PRELID2: variants seen among roughly 807,000 people sequenced by gnomAD.
PRELID2 encodes PRELI domain-containing protein 2.
Under a neutral mutation model 28.4 loss-of-function variants are expected in PRELID2, and 25 were observed. The observed-to-expected ratio is 0.88, with a 90% CI of 0.64 to 1.23. PRELID2 has a LOEUF of 1.23. Ranked by LOEUF, PRELID2 falls within the 50% of genes most tolerant of loss-of-function variation. The pLI is 0.00. For missense variants in PRELID2, 201 were observed against 214.4 expected (o/e 0.94, Z 0.39); for synonymous variants, 76 against 71.6 (o/e 1.06, Z -0.31).
the PRELID2 span, among the ~76,000 whole-genome samples, chr5:145,375,106 C>A: frequency 1.4e-4 from 22 of 152,154 alleles, no homozygotes; most frequent in East Asian, 4.2e-3. Context: ...TTCTTTCTCA[C>A]CTTTGTGAGT....
At chr5:145,810,207 T>A (rs1490698001) in intron 4 of PRELID2, among the ~76,000 whole-genome samples, 1 of 152,240 alleles carries the variant, frequency 6.6e-6, no homozygotes, top group Non-Finnish European at 1.5e-5. Flanking sequence ...CTGACTTTAA[T>A]TTTTTCCTCT....
intron 1 of PRELID2, among the ~76,000 whole-genome samples, chr5:145,831,752 ATTTCCCAGTTCTGACATCCCCAGTTCTG>A (rs1376723271): frequency 2.2e-4 from 34 of 152,172 alleles, no homozygotes; most frequent in African/African-American, 7.5e-4. Flanking sequence ...TCTGCCTTCC[ATTTCCCAGTTCTGACATCCCCAGTTCTG>A]TTTCCCAGTT....
At chr5:145,625,559 A>G (rs551692743) in intron 1 of PRELID2, among the ~76,000 whole-genome samples, 2 of 152,168 alleles carry the variant, frequency 1.3e-5, no homozygotes, top group Admixed American at 1.3e-4. Context: ...TTCCAATAAA[A>G]ATCCAACATC....
chr5:145,576,015 A>T (rs1753057612), intron 1 of PRELID2, among the ~76,000 whole-genome samples: 1 of 152,150 alleles, frequency 6.6e-6, no homozygotes. Context: ...CCTTCTAGAC[A>T]TCACTTCTTC....
At position 145,697,080 on chromosome 5, in the gene PRELID2, T is replaced by TACACAC. The variant is rs1491186707; in HGVS notation, n.70+67845_70+67850dup. Reference sequence around the variant, plus strand: ...ATATATATATATATATATATATATATACACACACACACATATATATATGTA... The same window carrying TACACAC: ...ATATATATATATATATATATATATATACACACACACACACACACATATATATATGTA... On this transcript the variant is annotated intron_variant and non_coding_transcript_variant, in intron 1 of 2. Coordinates refer to the PRELID2 transcript ENST00000510259. 2.0e-4 allele frequency among the ~76,000 whole-genome samples: 17 copies of TACACAC among 85,948 alleles called. 1 individual carries two copies. The highest frequency in any genetic ancestry group is 6.1e-4 in the African/African-American group (12 of 19,678). The allele number at this position is 85,948 out of a possible 152,430, so 56.4% of individuals were successfully genotyped here.
At chr5:145,554,880 C>G (rs1476831367) in intron 1 of PRELID2, among the ~76,000 whole-genome samples, 2 of 152,114 alleles carry the variant, frequency 1.3e-5, no homozygotes, top group African/African-American at 4.8e-5. Flanking sequence ...CATGGGTCAT[C>G]ATCAGGAAAT....
At chr5:145,236,150 A>T in the PRELID2 span, among the ~76,000 whole-genome samples, 1 of 152,272 alleles carries the variant, frequency 6.6e-6, no homozygotes, top group Non-Finnish European at 1.5e-5. Context: ...TGCCTTAATA[A>T]GATTACAAGG....
At chr5:145,426,948 C>G in the PRELID2 span, among the ~76,000 whole-genome samples, 7 of 152,182 alleles carry the variant, frequency 4.6e-5, no homozygotes, top group Non-Finnish European at 8.8e-5. Flanking sequence ...AGCAGTTTAC[C>G]CACCAATAGG....
the PRELID2 span, among the ~76,000 whole-genome samples, chr5:145,430,371 C>T: frequency 1.3e-4 from 20 of 152,128 alleles, no homozygotes; most frequent in East Asian, 3.9e-3. Flanking sequence ...GCTCATGGTA[C>T]ACAACTTATG....
chr5:145,521,260 C>T (rs889938613), intron 1 of PRELID2, among the ~76,000 whole-genome samples: 1 of 152,108 alleles, frequency 6.6e-6, no homozygotes, highest in Non-Finnish European at 1.5e-5. Flanking sequence ...TGAACTTCCC[C>T]GTATAAGCTT....
At chr5:145,265,581 A>C in the PRELID2 span, among the ~76,000 whole-genome samples, 1 of 152,196 alleles carries the variant, frequency 6.6e-6, no homozygotes, top group Admixed American at 6.5e-5. Context: ...CTGTAAGTCC[A>C]TAGTCACCAA....
chr5:145,617,975 C>T (rs1209806134), intron 1 of PRELID2, among the ~76,000 whole-genome samples: 1 of 152,108 alleles, frequency 6.6e-6, no homozygotes, highest in Non-Finnish European at 1.5e-5. Flanking sequence ...TCAGGTGATC[C>T]ACCCACCTCG....
intron 1 of PRELID2, among the ~76,000 whole-genome samples, chr5:145,600,428 A>ATATATATAT (rs571050308): frequency 1.7e-5 from 2 of 119,458 alleles, no homozygotes; most frequent in African/African-American, 9.4e-5. Context: ...GGGAAAAAAA[A>ATATATATAT]AAAAAAATAT....
intron 4 of PRELID2, among the ~76,000 whole-genome samples, chr5:145,805,842 A>G (rs375012854): frequency 6.6e-6 from 1 of 152,240 alleles, no homozygotes; most frequent in African/African-American, 2.4e-5. Flanking sequence ...TATACCGCAT[A>G]CTGTATGCAA....
chr5:145,645,270 C>G (rs987537128), intron 1 of PRELID2, among the ~76,000 whole-genome samples: 1 of 149,592 alleles, frequency 6.7e-6, no homozygotes, highest in African/African-American at 2.5e-5. Flanking sequence ...TTATGTGATG[C>G]CTTCTTTGTC....
intron 4 of PRELID2, among the ~76,000 whole-genome samples, chr5:145,804,537 A>G (rs533114531): frequency 6.6e-6 from 1 of 152,276 alleles, no homozygotes; most frequent in South Asian, 2.1e-4. Flanking sequence ...ATTATTAATA[A>G]TAACAGTTAA....
intron 1 of PRELID2, among the ~76,000 whole-genome samples, chr5:145,519,508 C>T (rs1752545674): frequency 6.6e-6 from 1 of 152,188 alleles, no homozygotes; most frequent in African/African-American, 2.4e-5. Flanking sequence ...CACTTTCTTA[C>T]ACTTTTCTGA....
intron 5 of PRELID2, among the ~76,000 whole-genome samples, chr5:145,786,435 C>T (rs1751999504): frequency 6.6e-6 from 1 of 152,192 alleles, no homozygotes; most frequent in African/African-American, 2.4e-5. Flanking sequence ...CTGCCACATT[C>T]TGAGATCATC....
At chr5:145,820,049 A>C in intron 2 of PRELID2, 31 bp from the exon 3 acceptor site, 1 of 1,271,454 alleles carries the variant, frequency 7.9e-7, no homozygotes, top group Non-Finnish European at 1.1e-6. Flanking sequence ...CACAAAAAAA[A>C]ATTAAAGAAA....
Sources: gnomAD v4.1 joint callset for allele counts (sites outside exome capture counted in the v4.1 genomes callset) on GRCh38, gnomAD v4.1.1 for gene constraint, MANE v1.5 for transcripts, NCBI Gene and HGNC (gene_info 2026-07-23, HGNC 2026-07-21) for gene names.